TATDN1: variants seen among roughly 807,000 people sequenced by gnomAD.
The protein encoded by TATDN1 is deoxyribonuclease TATDN1.
A neutral mutation model predicts 46.4 loss-of-function variants in TATDN1; 40 were observed. That is an observed-to-expected ratio of 0.86 (90% CI 0.67 to 1.12). The LOEUF (loss-of-function observed/expected upper bound fraction) is 1.12, where lower values mean the gene tolerates loss of function less well. TATDN1 is among the 50% of genes most tolerant of loss of function. The probability of loss-of-function intolerance (pLI) is 0.00; values close to 1 mark genes in which losing one functional copy is unlikely to be tolerated. For synonymous variants in TATDN1, 95 were observed against 105.6 expected, an observed-to-expected ratio of 0.90 and a Z score of 0.62; for missense variants, 326 against 348.4, an observed-to-expected ratio of 0.94 and a Z score of 0.51.
chr8:124,516,484 T>A (rs985836935), intron 4 of TATDN1, among the ~76,000 whole-genome samples: 3 of 151,740 alleles, frequency 2.0e-5, no homozygotes, highest in African/African-American at 7.3e-5. Context: ...TAATTTTTTT[T>A]TTTTTGGTAG....
At chr8:124,522,503 A>T (rs1820137674) in intron 2 of TATDN1, among the ~76,000 whole-genome samples, 1 of 151,352 alleles carries the variant, frequency 6.6e-6, no homozygotes, top group Non-Finnish European at 1.5e-5. Flanking sequence ...TGCAACTTCC[A>T]CCTCCTGGGT....
intron 4 of TATDN1, 192 bp downstream of exon 4, chr8:124,518,626 A>G (rs1452660214): frequency 1.8e-6 from 1 of 553,260 alleles, no homozygotes; most frequent in Non-Finnish European, 3.2e-6. Flanking sequence ...AGTATGAAAC[A>G]GTTTTATAAA....
chr8:124,508,778 G>C, intron 6 of TATDN1, 90 bp from the exon 7 acceptor site: 1 of 801,624 alleles, frequency 1.2e-6, no homozygotes, highest in Non-Finnish European at 1.9e-6. Flanking sequence ...TAAATTAAAG[G>C]TATTTAATTC....
intron 2 of TATDN1, among the ~76,000 whole-genome samples, 174 bp downstream of exon 2, chr8:124,522,763 C>G (rs143918097): frequency 6.6e-6 from 1 of 152,222 alleles, no homozygotes; most frequent in African/African-American, 2.4e-5. Flanking sequence ...TTATGTTGCC[C>G]AGGCTGCTCT....
chr8:124,524,149 T>C (rs1820286543), intron 1 of TATDN1, among the ~76,000 whole-genome samples: 1 of 152,090 alleles, frequency 6.6e-6, no homozygotes, highest in Admixed American at 6.5e-5. Flanking sequence ...TCCCCAGGAG[T>C]GTCTGCTCCA....
intron 6 of TATDN1, among the ~76,000 whole-genome samples, chr8:124,509,863 A>C (rs1438823722): frequency 6.6e-6 from 1 of 152,012 alleles, no homozygotes; most frequent in African/African-American, 2.4e-5. Context: ...GCATGGTGAA[A>C]CCTCGTCTCT....
intron 1 of TATDN1, among the ~76,000 whole-genome samples, chr8:124,537,747 C>A (rs1019793735): frequency 6.6e-6 from 1 of 152,104 alleles, no homozygotes; most frequent in East Asian, 1.9e-4. Context: ...GGCTAAGACA[C>A]GGCAATGTCT....
intron 1 of TATDN1, among the ~76,000 whole-genome samples, chr8:124,531,877 A>G (rs938947948): frequency 1.3e-5 from 2 of 152,188 alleles, no homozygotes; most frequent in Non-Finnish European, 2.9e-5. Context: ...AATGGGTTAG[A>G]TTATGTATGA....
intron 9 of TATDN1, among the ~76,000 whole-genome samples, chr8:124,496,574 C>T (rs953951744): frequency 1.3e-5 from 2 of 152,230 alleles, no homozygotes; most frequent in African/African-American, 2.4e-5. Context: ...GTTTGAATTA[C>T]ACAGTATGTA....
At position 124,501,488 on chromosome 8, in the gene TATDN1, A is replaced by G. The variant is rs528642823; in HGVS notation, c.593+2783T>C. Among the ~76,000 whole-genome samples, 8 of 152,250 alleles carry G rather than the reference A, an allele frequency of 5.3e-5. No individual in the cohort carries two copies. In the South Asian group the frequency reaches 1.7e-3, roughly 32 times the overall value. On this transcript the variant is annotated intron_variant, in intron 9 of 11. Coordinates refer to ENST00000276692, the MANE Select transcript of TATDN1 (RefSeq NM_032026.4). ...GAAAGTTTCCATCATCACAGAGACC[A>G]AAGGAAAGAAGAAAAGGTGACTGTG...
At position 124,507,333 on chromosome 8, in the gene TATDN1, C is replaced by T. The variant is rs569903790; in HGVS notation, c.516+1141G>A. Among the ~76,000 whole-genome samples the T allele has an allele frequency of 1.2e-4, 19 of 152,240 alleles. No individual in the cohort carries two copies. The South Asian group carries it at 3.9e-3, about 32-fold the overall frequency. On this transcript the variant is annotated intron_variant, in intron 8 of 11. Coordinates refer to ENST00000276692, the MANE Select transcript of TATDN1 (RefSeq NM_032026.4). ...TCTAGATCAGAATAGTAGGTGAATA[C>T]AGCGGACAAGAAATGAGAAAGGCAA...
rs192001474 is a variant in TATDN1 at position 124,525,627 on chromosome 8, T to C, written c.23-2625A>G. Among the ~76,000 whole-genome samples, 31 of 152,314 alleles carry C rather than the reference T, an allele frequency of 2.0e-4. 1 individual carries two copies. In the East Asian group the frequency reaches 5.6e-3, roughly 27 times the overall value. On this transcript the variant is annotated intron_variant, in intron 1 of 11. Coordinates refer to ENST00000276692, the MANE Select transcript of TATDN1 (RefSeq NM_032026.4). ...AACAAATATGAAAGCATTTTGCAAA[T>C]TAAAAGTCTTATTAGCATGTAATTA... is the stretch of plus-strand genomic sequence containing the variant.
At chr8:124,508,424 T>C (rs1207065743) in intron 8 of TATDN1, 50 bp downstream of exon 8, 17 of 1,536,026 alleles carry the variant, frequency 1.1e-5, no homozygotes, top group Admixed American at 1.9e-5. Flanking sequence ...TTTTGGATTT[T>C]TGGATTAGAG....
In TATDN1 at chr8:124,515,930, T is replaced by C; in HGVS notation, c.303A>G (p.Glu101=). 1 of 1,614,112 alleles carries C rather than the reference T, an allele frequency of 6.2e-7. No homozygotes were observed. The highest frequency in any genetic ancestry group is 8.5e-7 in the Non-Finnish European group (1 of 1,180,014). ...TTGCCACAACTTTCCCTTTATTGTTTTCAGCAAGATTTAGCAACTCCTTTA... is the reference window on the plus strand; with the variant it reads ...TTGCCACAACTTTCCCTTTATTGTTCTCAGCAAGATTTAGCAACTCCTTTA... ...LYLKELLNLA[E]NNKGKVVAIG... Residue 101 remains glutamate, a synonymous_variant, in exon 5 of 12, where the codon GAA becomes GAG. Transcript: ENST00000276692.
At chr8:124,538,072 T>G (rs575661553) in intron 1 of TATDN1, among the ~76,000 whole-genome samples, 2 of 152,342 alleles carry the variant, frequency 1.3e-5, no homozygotes, top group South Asian at 4.1e-4. Flanking sequence ...TATCTCAAAC[T>G]TAACCTAATC....
chr8:124,538,677 G>C (rs1391529287), intron 1 of TATDN1, among the ~76,000 whole-genome samples: 4 of 152,202 alleles, frequency 2.6e-5, no homozygotes, highest in African/African-American at 9.6e-5. Context: ...CAAGGCAGAG[G>C]GGAAGGGCCG....
At chr8:124,488,741 A>G (rs373084440) in intron 11 of TATDN1, 45 bp from the exon 12 acceptor site, 4 of 1,091,728 alleles carry the variant, frequency 3.7e-6, no homozygotes, top group South Asian at 1.3e-5. Flanking sequence ...CCAAGTATAC[A>G]TTTAGTTCTA....
At chr8:124,502,890 G>A (rs1818097638) in intron 9 of TATDN1, among the ~76,000 whole-genome samples, 1 of 152,168 alleles carries the variant, frequency 6.6e-6, no homozygotes, top group African/African-American at 2.4e-5. Context: ...AGTAATACCA[G>A]CTACTCAGGA....
At chr8:124,508,028 T>C (rs1818662845) in intron 8 of TATDN1, among the ~76,000 whole-genome samples, 1 of 152,202 alleles carries the variant, frequency 6.6e-6, no homozygotes, top group African/African-American at 2.4e-5. Flanking sequence ...TTCTTTGTTA[T>C]TCCTTTTTAA....
Sources: gnomAD v4.1 joint callset for allele counts (sites outside exome capture counted in the v4.1 genomes callset) on GRCh38, gnomAD v4.1.1 for gene constraint, MANE v1.5 for transcripts, NCBI Gene and HGNC (gene_info 2026-07-23, HGNC 2026-07-21) for gene names.